CYP11B1: variants seen among roughly 807,000 people sequenced by gnomAD.
The protein encoded by CYP11B1 is cytochrome P450 11B1, mitochondrial.
CYP11B1 carries 34 observed loss-of-function variants against 48.3 expected under a neutral mutation model. That is an observed-to-expected ratio of 0.70 (90% CI 0.54 to 0.94). The LOEUF is 0.94. CYP11B1 is among the 40% of genes least tolerant of loss of function. The pLI is 0.00. For missense variants in CYP11B1, 688 were observed against 657.4 expected (o/e 1.05, Z -0.51); for synonymous variants, 291 against 262.5 (o/e 1.11, Z -1.05).
rs4535 is a variant in CYP11B1, at chr8:142,876,409, G to A, written c.800-14C>T. ...TACAGTTGTCGCCTATCCGGGGAGC[G>A]GGAGGCAGCCCTCAGACTTTGGTGC... On this transcript the variant is annotated splice_polypyrimidine_tract_variant and intron_variant, in intron 4 of 8. Transcript: ENST00000292427. The A allele has an allele frequency of 9.8e-3, 15,814 of 1,610,904 alleles. 1,244 individuals carry two copies. The African/African-American group carries it at 0.18, about 18-fold the overall frequency.
chr8:142,877,952 G>A, intron 2 of CYP11B1: 1 of 768,756 alleles, frequency 1.3e-6, no homozygotes, highest in Non-Finnish European at 2.1e-6. Context: ...CACCATGTGT[G>A]AAGAGACACA....
intron 4 of CYP11B1, 28 bp downstream of exon 4, chr8:142,876,654 A>T (rs1340699171): frequency 1.3e-6 from 2 of 1,591,432 alleles, no homozygotes; most frequent in East Asian, 2.3e-5. Flanking sequence ...TCCCTTCCCC[A>T]TAGCACTGCC....
At chr8:142,877,923 C>T (rs1817011601) in intron 2 of CYP11B1, 24 of 1,087,332 alleles carry the variant, frequency 2.2e-5, no homozygotes, top group South Asian at 4.1e-5. Flanking sequence ...TGCTCACATG[C>T]GCCCATGCAA....
chr8:142,874,118 A>G lies in CYP11B1; in HGVS notation c.*255T>C, dbSNP rs1816862531. ...GATGGGGGCAAACTGCCCAGAGGAC[A>G]GTGCTTGCTGGAGAAAGGGCCAGGT... On this transcript the variant is annotated 3_prime_UTR_variant, in exon 9 of 9. Coordinates refer to ENST00000292427, the MANE Select transcript of CYP11B1 (RefSeq NM_000497.4). 1.8e-6 allele frequency: 1 copy of G among 551,158 alleles called. No homozygotes were observed. The allele number at this position is 551,158 out of a possible 1,614,324, so 34.1% of individuals were successfully genotyped here.
intron 4 of CYP11B1, 70 bp from the exon 5 acceptor site, chr8:142,876,465 C>T: frequency 6.4e-7 from 1 of 1,553,936 alleles, no homozygotes; most frequent in Non-Finnish European, 8.7e-7. Context: ...CCTCCTCCTG[C>T]CCAGACTGCC....
At chr8:142,877,252 C>G (rs1315685908) in intron 2 of CYP11B1, 30 bp from the exon 3 acceptor site, 1 of 1,579,836 alleles carries the variant, frequency 6.3e-7, no homozygotes, top group Admixed American at 1.8e-5. Context: ...GCTTGTGAGG[C>G]CGCCCCAGCA....
Position 142,879,293 on chromosome 8 carries a change from A to G in CYP11B1, c.240-106T>C, listed in dbSNP as rs932171914. 6 of 1,607,510 alleles carry G rather than the reference A, an allele frequency of 3.7e-6. No homozygotes were observed. The Admixed American group carries it at 8.3e-5, about 22-fold the overall frequency. On this transcript the variant is annotated intron_variant, in intron 1 of 8. Coordinates refer to ENST00000292427, the MANE Select transcript of CYP11B1 (RefSeq NM_000497.4). ...TCCTGTCCACCCTCCCCTCTCCTGG[A>G]TTAGCGGCTTCACAGCTAAAGCCCT...
rs1817080394 is a variant in CYP11B1, at chr8:142,879,563, G to T, written c.239+12C>A. ...TCTGGGTGTTCCCAGCGAGGGCCAG[G>T]GAGGGCTTTACCTGAAAATGGGCCC... On this transcript the variant is annotated intron_variant, in intron 1 of 8. Coordinates refer to ENST00000292427, the MANE Select transcript of CYP11B1 (RefSeq NM_000497.4). The T allele has an allele frequency of 1.2e-6, 2 of 1,614,224 alleles. No homozygotes were observed. Among genetic ancestry groups the T allele is most frequent in the Admixed American group, 3.3e-5 (2 of 60,032 alleles).
At chr8:142,878,455 C>T (rs4736315) in intron 2 of CYP11B1, among the ~76,000 whole-genome samples, 8,227 of 152,270 alleles carry the variant, frequency 0.054, 650 homozygotes, top group East Asian at 0.4. Context: ...ACCCTCTGCA[C>T]GGGCCAGGAA....
At chr8:142,874,894 C>T (rs1028054195) in intron 8 of CYP11B1, 63 bp downstream of exon 8, 1 of 1,596,786 alleles carries the variant, frequency 6.3e-7, no homozygotes, top group African/African-American at 1.3e-5. Context: ...TCCCACATTG[C>T]TCAAGCCCCG....
At chr8:142,879,508 C>T (rs764476381) in intron 1 of CYP11B1, 67 bp downstream of exon 1, 72 of 1,614,072 alleles carry the variant, frequency 4.5e-5, no homozygotes, top group African/African-American at 1.6e-4. Flanking sequence ...GCTGAGTGCC[C>T]GGCAGGGTCC....
At chr8:142,875,946 A>T (rs769653023) in intron 5 of CYP11B1, 68 bp from the exon 6 acceptor site, 9 of 1,593,030 alleles carry the variant, frequency 5.6e-6, no homozygotes, top group Non-Finnish European at 6.9e-6. Context: ...CACCCCTCCC[A>T]GGACAACCTC....
At position 142,876,885 on chromosome 8, in the gene CYP11B1, G is replaced by A. The variant is rs1816972814; in HGVS notation, c.596C>T (p.Ala199Val). Residue 199 changes from alanine to valine, a missense_variant and splice_region_variant, in exon 4 of 9, where the codon GCC (alanine) becomes GTC (valine). Physicochemically the swap from Ala to Val is moderately conservative, Grantham distance 64. Coordinates refer to ENST00000292427, the MANE Select transcript of CYP11B1 (RefSeq NM_000497.4). Reference protein sequence around the residue: ...QPSIFHYTIEASNLALFGERL... With the variant: ...QPSIFHYTIEVSNLALFGERL... ...CTCTCCAAAAAGAGCCAAGTTGCTG[G>A]CTGCGGGGAGGATGCACTGCTGAGC... 6.2e-7 allele frequency: 1 copy of A among 1,614,062 alleles called. No individual in the cohort carries two copies. The highest frequency in any genetic ancestry group is 8.5e-7 in the Non-Finnish European group (1 of 1,180,028).
rs906336753 is a variant in CYP11B1, at chr8:142,879,730, G to A, written c.84C>T (p.Ala28=). Residue 28 remains alanine (A), a synonymous_variant, in exon 1 of 9, where the codon GCC becomes GCT. Coordinates refer to ENST00000292427, the MANE Select transcript of CYP11B1 (RefSeq NM_000497.4). ...LQRAQALGTR[A]ARVPRTVLPF... ...GCAGCACTGTCCTGGGGACCCGGGC[G>A]GCTCTCGTGCCCAGTGCCTGTGCCC... is the stretch of plus-strand genomic sequence containing the variant. 2.1e-5 allele frequency: 34 copies of A among 1,614,116 alleles called. No individual in the cohort carries two copies. Among genetic ancestry groups the A allele is most frequent in the Middle Eastern group, 1.6e-4 (1 of 6,084 alleles).
In CYP11B1 at chr8:142,876,414, G is replaced by A. The variant is rs1255243932; in HGVS notation, c.800-19C>T. On this transcript the variant is annotated intron_variant, in intron 4 of 8. Transcript: ENST00000292427. ...TTGTCGCCTATCCGGGGAGCGGGAGGCAGCCCTCAGACTTTGGTGCTGGGA... is the reference window on the plus strand; with the variant it reads ...TTGTCGCCTATCCGGGGAGCGGGAGACAGCCCTCAGACTTTGGTGCTGGGA... The A allele has an allele frequency of 6.2e-7, 1 of 1,609,556 alleles. No homozygotes were observed. The highest frequency in any genetic ancestry group is 1.1e-5 in the South Asian group (1 of 90,196).
Position 142,874,383 on chromosome 8 carries a change from G to T in CYP11B1, c.1502C>A (p.Ala501Asp). 1 of 1,611,956 alleles carries T rather than the reference G, an allele frequency of 6.2e-7. No homozygotes were observed. Among genetic ancestry groups the T allele is most frequent in the Non-Finnish European group, 8.5e-7 (1 of 1,177,994 alleles). Residue 501 changes from alanine (A) to aspartate (D), a missense_variant, in exon 9 of 9, where the codon GCC (alanine) becomes GAC (aspartate). Ala to Asp is a moderately radical substitution (Grantham distance 126). Transcript: ENST00000292427. ...PSMFPLLTFR[A>D]IN ...GGTGCAGAGACGTGATTAGTTGATGGCTCTGAAGGTGAGGAGGGGGAACAT... is the reference window on the plus strand; with the variant it reads ...GGTGCAGAGACGTGATTAGTTGATGTCTCTGAAGGTGAGGAGGGGGAACAT...
Position 142,874,939 on chromosome 8 carries a change from C to T in CYP11B1, c.1398+18G>A, listed in dbSNP as rs774352542. 7 of 1,611,886 alleles carry T rather than the reference C, an allele frequency of 4.3e-6. No homozygotes were observed. On this transcript the variant is annotated intron_variant, in intron 8 of 8. Transcript: ENST00000292427. ...CCCAGACCCCGCCCAGGCCCCTCCC[C>T]AGCCCGGGCCTGCTCACATGGTGCA... is the stretch of plus-strand genomic sequence containing the variant.
At position 142,877,144 on chromosome 8, in the gene CYP11B1, G is replaced by A. The variant is rs1208836689; in HGVS notation, c.474C>T (p.Leu158=). ...CCCTGGCCACTGCATCCACCATCGGGAGGAACCTCTGCACAGCGTTGGGCG... is the reference window on the plus strand; with the variant it reads ...CCCTGGCCACTGCATCCACCATCGGAAGGAACCTCTGCACAGCGTTGGGCG... ...VLSPNAVQRF[L]PMVDAVARDF... Residue 158 remains leucine (L), a synonymous_variant, in exon 3 of 9, where the codon CTC becomes CTT. Coordinates refer to ENST00000292427, the MANE Select transcript of CYP11B1 (RefSeq NM_000497.4). The A allele has an allele frequency of 3.0e-5, 48 of 1,614,202 alleles. No homozygotes were observed. The highest frequency in any genetic ancestry group is 3.9e-5 in the Non-Finnish European group (46 of 1,180,038).
Position 142,877,005 on chromosome 8 carries a change from T to G in CYP11B1, c.595+18A>C. On this transcript the variant is annotated intron_variant, in intron 3 of 8. Transcript: ENST00000292427. Reference sequence around the variant, plus strand: ...ACTCCAGGGTCTCTGAGGCTGGATCTTCCCACGTGGCCCACACCTTCTATG... The same window carrying G: ...ACTCCAGGGTCTCTGAGGCTGGATCGTCCCACGTGGCCCACACCTTCTATG... 6.2e-7 allele frequency: 1 copy of G among 1,613,324 alleles called. No individual in the cohort carries two copies. Among genetic ancestry groups the G allele is most frequent in the East Asian group, 2.2e-5 (1 of 44,822 alleles).
Sources: allele counts gnomAD v4.1 joint callset (sites outside exome capture counted in the v4.1 genomes callset), GRCh38; gene constraint gnomAD v4.1.1; transcripts MANE v1.5; gene names NCBI Gene and HGNC (gene_info 2026-07-23, HGNC 2026-07-21).